Variants in LINGO2 observed in about 807,000 individuals in gnomAD.
LINGO2 encodes leucine rich repeat and Ig domain containing 2.
A neutral mutation model predicts 30.6 loss-of-function variants in LINGO2; 14 were observed. The observed-to-expected ratio is 0.46, with a 90% confidence interval of 0.30 to 0.72. LINGO2 has a LOEUF of 0.72. LINGO2 is among the 30% of genes least tolerant of loss of function. The probability of loss-of-function intolerance (pLI) is 0.07; values close to 1 mark genes in which losing one functional copy is unlikely to be tolerated. For missense variants in LINGO2, 729 were observed against 751.7 expected, an observed-to-expected ratio of 0.97 and a Z score of 0.35; for synonymous variants, 317 against 288.5, an observed-to-expected ratio of 1.10 and a Z score of -1.00.
the LINGO2 span, among the ~76,000 whole-genome samples, chr9:28,973,777 T>G: frequency 6.6e-6 from 1 of 152,196 alleles, no homozygotes; most frequent in Non-Finnish European, 1.5e-5. Flanking sequence ...TTTTACCTTA[T>G]AATAGTGTAT....
intron 4 of LINGO2, among the ~76,000 whole-genome samples, chr9:28,118,055 G>A (rs1453973237): frequency 6.6e-6 from 1 of 151,924 alleles, no homozygotes; most frequent in Non-Finnish European, 1.5e-5. Flanking sequence ...CATAGGGAGG[G>A]GAACAACACA....
intron 1 of LINGO2, among the ~76,000 whole-genome samples, chr9:28,512,624 TATATATATATATAC>T (rs1470411272): frequency 0.03 from 224 of 7,404 alleles, 7 homozygotes; most frequent in Middle Eastern, 0.2. Context: ...TATATATATA[TATATATATATATAC>T]ACACATACAT....
At chr9:27,947,004 G>C (rs1823390252), downstream of LINGO2, among the ~76,000 whole-genome samples, 1 of 152,148 alleles carries the variant, frequency 6.6e-6, no homozygotes, top group South Asian at 2.1e-4. Context: ...CCAGCCTTTT[G>C]AATGTCAACC....
intron 4 of LINGO2, among the ~76,000 whole-genome samples, chr9:28,290,368 C>T (rs1431392248): frequency 6.6e-6 from 1 of 152,134 alleles, no homozygotes; most frequent in African/African-American, 2.4e-5. Flanking sequence ...GCAGTGCACT[C>T]GGCAAGACTT....
At chr9:28,723,086 AG>A in the LINGO2 span, among the ~76,000 whole-genome samples, 1 of 152,138 alleles carries the variant, frequency 6.6e-6, no homozygotes, top group Non-Finnish European at 1.5e-5. Context: ...ATGTACACAC[AG>A]GTTTATTAAA....
chr9:28,835,606 T>G, the LINGO2 span, among the ~76,000 whole-genome samples: 1 of 152,232 alleles, frequency 6.6e-6, no homozygotes, highest in Non-Finnish European at 1.5e-5. Flanking sequence ...ATCTAACTAC[T>G]TAACCTCTTA....
the LINGO2 span, among the ~76,000 whole-genome samples, chr9:29,032,374 A>C: frequency 6.6e-6 from 1 of 151,890 alleles, no homozygotes; most frequent in Non-Finnish European, 1.5e-5. Flanking sequence ...CAAAATGACA[A>C]TACATACAGC....
intron 4 of LINGO2, among the ~76,000 whole-genome samples, chr9:28,262,971 T>C (rs1822617996): frequency 6.6e-6 from 1 of 152,012 alleles, no homozygotes; most frequent in Non-Finnish European, 1.5e-5. Flanking sequence ...ATTTATTCCC[T>C]ATTATTTCAC....
intron 4 of LINGO2, among the ~76,000 whole-genome samples, chr9:28,152,918 T>C (rs1828039343): frequency 6.6e-6 from 1 of 152,132 alleles, no homozygotes; most frequent in African/African-American, 2.4e-5. Flanking sequence ...CATAAACTGA[T>C]GGGCAACAAC....
At chr9:28,817,322 T>G in the LINGO2 span, among the ~76,000 whole-genome samples, 1 of 152,308 alleles carries the variant, frequency 6.6e-6, no homozygotes, top group South Asian at 2.1e-4. Context: ...CTATCTTAAC[T>G]AAGTTATGCA....
chr9:29,116,446 CT>C, the LINGO2 span, among the ~76,000 whole-genome samples: 1 of 139,868 alleles, frequency 7.1e-6, no homozygotes, highest in African/African-American at 2.5e-5. Context: ...TTTATACTCC[CT>C]TTTATCTTGT....
the LINGO2 span, among the ~76,000 whole-genome samples, chr9:29,184,614 TTA>T: frequency 6.6e-6 from 1 of 151,948 alleles, no homozygotes; most frequent in Non-Finnish European, 1.5e-5. Flanking sequence ...CTTCATGCAT[TTA>T]TGTTTTGAAT....
At chr9:29,157,965 AT>A in the LINGO2 span, among the ~76,000 whole-genome samples, 1 of 152,172 alleles carries the variant, frequency 6.6e-6, no homozygotes, top group Non-Finnish European at 1.5e-5. Flanking sequence ...ATACCAGGCT[AT>A]ATCTATATAC....
At chr9:27,998,718 T>C (rs1587651142) in intron 5 of LINGO2, among the ~76,000 whole-genome samples, 1 of 151,964 alleles carries the variant, frequency 6.6e-6, no homozygotes, top group South Asian at 2.1e-4. Context: ...GAAGTGGAGG[T>C]TGCAGTGAGC....
intron 1 of LINGO2, among the ~76,000 whole-genome samples, chr9:28,558,429 T>C (rs1822866304): frequency 6.6e-6 from 1 of 152,060 alleles, no homozygotes; most frequent in African/African-American, 2.4e-5. Context: ...CTTTCAGTTT[T>C]GTATTCCTAT....
At chr9:28,544,975 T>A (rs1002933303) in intron 1 of LINGO2, among the ~76,000 whole-genome samples, 4 of 151,552 alleles carry the variant, frequency 2.6e-5, no homozygotes, top group Non-Finnish European at 4.4e-5. Context: ...TTGGAAGAGG[T>A]ACTATGTTAA....
the LINGO2 span, among the ~76,000 whole-genome samples, chr9:28,705,137 G>C: frequency 2.8e-3 from 420 of 151,850 alleles, 3 homozygotes; most frequent in African/African-American, 9.7e-3. Context: ...GGTTGGTCTC[G>C]AACTCTTGAG....
the LINGO2 span, among the ~76,000 whole-genome samples, chr9:28,680,027 G>A: frequency 6.6e-6 from 1 of 151,540 alleles, no homozygotes; most frequent in African/African-American, 2.4e-5. Flanking sequence ...TTATATTCTA[G>A]GTGACTGTGT....
chr9:28,557,587 G>A (rs1220037778), intron 1 of LINGO2, among the ~76,000 whole-genome samples: 2 of 151,864 alleles, frequency 1.3e-5, no homozygotes, highest in African/African-American at 4.8e-5. Context: ...AAGTCAGTGT[G>A]GCGATTCCTC....
Sources: gnomAD v4.1 joint callset for allele counts (sites outside exome capture counted in the v4.1 genomes callset) on GRCh38, gnomAD v4.1.1 for gene constraint, MANE v1.5 for transcripts, NCBI Gene and HGNC (gene_info 2026-07-23, HGNC 2026-07-21) for gene names.